ITGB5: variants seen among roughly 807,000 people sequenced by gnomAD.
ITGB5 encodes integrin beta-5.
In ITGB5, 38 loss-of-function variants were observed where a neutral mutation model predicts 84.8. The observed-to-expected ratio is 0.45, with a 90% CI of 0.35 to 0.59. ITGB5 has a LOEUF of 0.59. Among genes scored for constraint, ITGB5 ranks in the 20% least tolerant of loss-of-function variants. ITGB5 has a pLI of 0.01. For synonymous variants in ITGB5, 393 were observed against 414.4 expected, an observed-to-expected ratio of 0.95 and a Z score of 0.63; for missense variants, 905 against 1,034.5, an observed-to-expected ratio of 0.87 and a Z score of 1.72.
intron 1 of ITGB5, among the ~76,000 whole-genome samples, chr3:124,894,052 G>A (rs7629755): frequency 0.023 from 3,429 of 150,716 alleles, 121 homozygotes; most frequent in African/African-American, 0.079. Flanking sequence ...ATATATTCTA[G>A]AGGAAATATA....
chr3:124,795,357 C>A (rs559894984), intron 10 of ITGB5, among the ~76,000 whole-genome samples: 1 of 151,988 alleles, frequency 6.6e-6, no homozygotes, highest in Admixed American at 6.5e-5. Flanking sequence ...AGTGTGGTGG[C>A]GGGCGCCTAT....
At chr3:124,795,490 GA>G (rs753624688) in intron 10 of ITGB5, among the ~76,000 whole-genome samples, 55 of 139,124 alleles carry the variant, frequency 4.0e-4, no homozygotes, top group Middle Eastern at 3.8e-3. Flanking sequence ...CTCCATCTCA[GA>G]AAAAAAAAAA....
At chr3:124,771,294 G>T (rs951544450) in intron 11 of ITGB5, among the ~76,000 whole-genome samples, 1 of 152,142 alleles carries the variant, frequency 6.6e-6, no homozygotes, top group Non-Finnish European at 1.5e-5. Context: ...GAAAAAAAAG[G>T]ATGTAGGACA....
At chr3:124,807,683 T>C in intron 9 of ITGB5, among the ~76,000 whole-genome samples, 1 of 151,762 alleles carries the variant, frequency 6.6e-6, no homozygotes, top group Non-Finnish European at 1.5e-5. Context: ...CGGTGGCTCA[T>C]GCCTGTAATC....
intron 10 of ITGB5, among the ~76,000 whole-genome samples, chr3:124,775,008 G>A (rs2063903240): frequency 6.6e-6 from 1 of 152,234 alleles, no homozygotes. Flanking sequence ...TGGCTCCAGA[G>A]TCCATGATCT....
At chr3:124,777,336 G>C (rs565090170) in intron 10 of ITGB5, among the ~76,000 whole-genome samples, 62 of 152,216 alleles carry the variant, frequency 4.1e-4, no homozygotes, top group Non-Finnish European at 4.1e-4. Flanking sequence ...GCCACGGAGG[G>C]GCTGTGGGAC....
intron 5 of ITGB5, among the ~76,000 whole-genome samples, chr3:124,832,645 A>T (rs1204644200): frequency 6.6e-6 from 1 of 152,254 alleles, no homozygotes; most frequent in Non-Finnish European, 1.5e-5. Context: ...GCTGTGCCTT[A>T]GATCCTACAC....
chr3:124,888,238 T>C (rs1934913504), upstream of ITGB5, among the ~76,000 whole-genome samples: 1 of 152,182 alleles, frequency 6.6e-6, no homozygotes, highest in Non-Finnish European at 1.5e-5. Flanking sequence ...TTTTAACTTT[T>C]GCACCTTTCA....
intron 8 of ITGB5, among the ~76,000 whole-genome samples, chr3:124,817,391 G>A (rs1318295552): frequency 6.6e-6 from 1 of 152,226 alleles, no homozygotes; most frequent in East Asian, 1.9e-4. Flanking sequence ...GAGATCTGCA[G>A]ATGAGAGTCA....
At chr3:124,873,745 C>T (rs563683859) in intron 1 of ITGB5, among the ~76,000 whole-genome samples, 10 of 152,178 alleles carry the variant, frequency 6.6e-5, no homozygotes, top group Admixed American at 3.9e-4. Context: ...CTTGTGTTAG[C>T]GACTTCCATT....
intron 9 of ITGB5, among the ~76,000 whole-genome samples, chr3:124,803,240 C>T (rs528692751): frequency 1.8e-4 from 28 of 152,216 alleles, no homozygotes; most frequent in Non-Finnish European, 8.8e-5. Context: ...CATGACACCA[C>T]TGTATGCTTC....
intron 1 of ITGB5, among the ~76,000 whole-genome samples, chr3:124,900,635 C>G (rs1180908288): frequency 6.6e-6 from 1 of 152,114 alleles, no homozygotes; most frequent in Non-Finnish European, 1.5e-5. Context: ...CAGGGCTCTC[C>G]CCAACCTAAT....
At chr3:124,791,850 C>T (rs933163409) in intron 10 of ITGB5, 1 of 152,184 alleles carries the variant, frequency 6.6e-6, no homozygotes, top group Non-Finnish European at 1.5e-5. Context: ...GAGTGGGAGC[C>T]CCATGCTGAC....
At chr3:124,794,839 AAGG>A (rs994447858) in intron 10 of ITGB5, among the ~76,000 whole-genome samples, 10 of 151,658 alleles carry the variant, frequency 6.6e-5, no homozygotes, top group African/African-American at 2.4e-4. Flanking sequence ...AAGGGAGGAG[AAGG>A]AGGAGGAGAA....
chr3:124,811,682 C>T (rs2064505934), intron 8 of ITGB5, among the ~76,000 whole-genome samples: 1 of 152,198 alleles, frequency 6.6e-6, no homozygotes. Context: ...CTACTCAGGC[C>T]ATAAGCCCCA....
At chr3:124,875,666 A>G (rs1311741694) in intron 1 of ITGB5, among the ~76,000 whole-genome samples, 2 of 152,182 alleles carry the variant, frequency 1.3e-5, no homozygotes, top group Non-Finnish European at 2.9e-5. Flanking sequence ...ATAGTCAAAG[A>G]AAATGAAATC....
At chr3:124,883,536 G>A (rs942511133) in intron 1 of ITGB5, among the ~76,000 whole-genome samples, 3 of 152,188 alleles carry the variant, frequency 2.0e-5, no homozygotes, top group African/African-American at 7.2e-5. Context: ...ACAGAGAGCT[G>A]CAGACCCAGC....
At position 124,887,084 on chromosome 3, in the gene ITGB5, C is replaced by A. The variant is rs1579347477; in HGVS notation, c.-84G>T. 2.1e-6 allele frequency: 1 copy of A among 476,136 alleles called. No individual in the cohort carries two copies. Among genetic ancestry groups the A allele is most frequent in the South Asian group, 8.4e-5 (1 of 11,836 alleles). The allele number at this position is 476,136 out of a possible 1,614,324, so 29.5% of individuals were successfully genotyped here. On this transcript the variant is annotated 5_prime_UTR_variant, in exon 1 of 15. Transcript: ENST00000296181. The stretch of plus-strand genomic sequence containing the variant: ...GGGGCTGGGGCCGGAGCGCGGGGGC[C>A]GAGGGCCGGGGGCCGCAGCCGCATG...
Position 124,769,233 on chromosome 3 carries a change from TTCAGCCTCAG to T in ITGB5, c.1917-130_1917-121del. 3 of 721,094 alleles carry T rather than the reference TTCAGCCTCAG, an allele frequency of 4.2e-6. No homozygotes were observed. In the South Asian group the frequency reaches 5.6e-5, roughly 13 times the overall value. The allele number at this position is 721,094 out of a possible 1,614,324, so 44.7% of individuals were successfully genotyped here. On this transcript the variant is annotated intron_variant, in intron 11 of 14. Coordinates refer to ENST00000296181, the MANE Select transcript of ITGB5 (RefSeq NM_002213.5). Reference sequence around the variant, plus strand: ...TTTCACTTCTTTCCAGCTGCAGATGTTCAGCCTCAGGGAATGTTTCTGCTCTGCCTTTCTT... The same window carrying T: ...TTTCACTTCTTTCCAGCTGCAGATGTGGAATGTTTCTGCTCTGCCTTTCTT...
Sources: gnomAD v4.1 joint callset for allele counts (sites outside exome capture counted in the v4.1 genomes callset) on GRCh38, gnomAD v4.1.1 for gene constraint, MANE v1.5 for transcripts, NCBI Gene and HGNC (gene_info 2026-07-23, HGNC 2026-07-21) for gene names.